The following UCP1 variants were observed in gnomAD, a reference collection of about 807,000 sequenced individuals.
UCP1 encodes the protein mitochondrial brown fat uncoupling protein 1.
A neutral mutation model predicts 26.2 loss-of-function variants in UCP1; 24 were observed. The observed-to-expected ratio is 0.92, with a 90% CI of 0.66 to 1.29. UCP1 has a LOEUF of 1.29. UCP1 is among the 50% of genes most tolerant of loss of function. The pLI is 0.00. For missense variants in UCP1, 402 were observed against 388.7 expected (o/e 1.03, Z -0.29); for synonymous variants, 164 against 156.8 (o/e 1.05, Z -0.34).
Position 140,567,934 on chromosome 4 carries a change from C to G in UCP1, c.170G>C (p.Gly57Ala), listed in dbSNP as rs1463588983. ...CACAGCGGTGATTGTTCCCAGGACA[C>G]CTTTATACCTAATAACACTGGACGT... ...CPTSSVIRYK[G>A]VLGTITAVVK... Residue 57 changes from glycine to alanine, a missense_variant, in exon 2 of 6, where the codon GGT (glycine) becomes GCT (alanine). Coordinates refer to ENST00000262999, the MANE Select transcript of UCP1 (RefSeq NM_021833.5). The G allele has an allele frequency of 1.5e-5, 25 of 1,614,168 alleles. No homozygotes were observed. Among genetic ancestry groups the G allele is most frequent in the Non-Finnish European group, 2.1e-5 (25 of 1,180,032 alleles).
At position 140,559,876 on chromosome 4, in the gene UCP1, C is replaced by G; in HGVS notation, c.*20G>C. 1 of 1,577,362 alleles carries G rather than the reference C, an allele frequency of 6.3e-7. No individual in the cohort carries two copies. Among genetic ancestry groups the G allele is most frequent in the Non-Finnish European group, 8.7e-7 (1 of 1,146,710 alleles). On this transcript the variant is annotated 3_prime_UTR_variant, in exon 6 of 6. Coordinates refer to ENST00000262999, the MANE Select transcript of UCP1 (RefSeq NM_021833.5). Reference sequence around the variant, plus strand: ...CAGCAAGATTCCCACTGGTATGTTACATCATTTTCTTGAAGCTGATTATGT... The same window carrying G: ...CAGCAAGATTCCCACTGGTATGTTAGATCATTTTCTTGAAGCTGATTATGT...
At chr4:140,563,611 A>ATTTT in intron 2 of UCP1, 93 bp from the exon 3 acceptor site, 10 of 1,013,658 alleles carry the variant, frequency 9.9e-6, no homozygotes, top group Non-Finnish European at 1.1e-5. Flanking sequence ...ATATTTTTGT[A>ATTTT]TTTTTTTTTT....
intron 2 of UCP1, among the ~76,000 whole-genome samples, chr4:140,564,520 A>G (rs1032152958): frequency 1.1e-4 from 17 of 152,186 alleles, no homozygotes; most frequent in African/African-American, 3.6e-4. Context: ...TCAAAAAGGG[A>G]TAATAATATC....
Position 140,568,901 on chromosome 4 carries a change from G to C in UCP1, c.-172C>G. 2 of 986,442 alleles carry C rather than the reference G, an allele frequency of 2.0e-6. No individual in the cohort carries two copies. Among genetic ancestry groups the C allele is most frequent in the South Asian group, 3.3e-5 (2 of 61,258 alleles). 61.1% of individuals were successfully genotyped at this position (986,442 alleles called of 1,614,324 possible). On this transcript the variant is annotated 5_prime_UTR_variant, in exon 1 of 6. Transcript: ENST00000262999. ...GAGGCGGCGGCTGCAGACGGAGCGC[G>C]GTGTTGGGGGCCGAGTCCCCGCGTC...
chr4:140,566,170 T>C (rs530503560), intron 2 of UCP1, among the ~76,000 whole-genome samples: 5 of 152,326 alleles, frequency 3.3e-5, no homozygotes, highest in African/African-American at 1.2e-4. Context: ...TCTGAGAATG[T>C]ATCCCCATCG....
chr4:140,565,790 A>G (rs1288181618), intron 2 of UCP1, among the ~76,000 whole-genome samples: 1 of 152,170 alleles, frequency 6.6e-6, no homozygotes, highest in Non-Finnish European at 1.5e-5. Flanking sequence ...CTCACGGACC[A>G]TACCTCCATG....
intron 4 of UCP1, among the ~76,000 whole-genome samples, chr4:140,562,682 A>C (rs913526638): frequency 6.6e-6 from 1 of 152,100 alleles, no homozygotes; most frequent in African/African-American, 2.4e-5. Context: ...TGTCTCTAGA[A>C]GTTGTTAGAA....
In UCP1 at chr4:140,562,195, C is replaced by G; in HGVS notation, c.807G>C (p.Lys269Asn). The G allele has an allele frequency of 6.2e-7, 1 of 1,614,194 alleles. No individual in the cohort carries two copies. The highest frequency in any genetic ancestry group is 1.3e-5 in the African/African-American group (1 of 75,068). ...AGATACACAAGATCATATCTTACCC[C>G]TTGAAGAAAGCCGTTGGTCCTTCGT... The part of the protein sequence containing the change: ...FTNEGPTAFF[K>N]GLVPSFLRLG... The change falls in exon 5 of 6, where the codon AAG (lysine) becomes AAC (asparagine). Residue 269 changes from lysine (K) to asparagine (N), a missense_variant and splice_region_variant. Transcript: ENST00000262999.
intron 5 of UCP1, among the ~76,000 whole-genome samples, chr4:140,561,714 C>T (rs1295959788): frequency 2.0e-5 from 3 of 152,170 alleles, no homozygotes; most frequent in Admixed American, 6.5e-5. Flanking sequence ...TTACACAACA[C>T]TTGTTTCTAG....
rs149333659 is a variant in UCP1 at position 140,563,479 on chromosome 4, G to T, written c.365C>A (p.Thr122Lys). The part of the protein sequence containing the change: ...SLGSKILAGL[T>K]TGGVAVFIGQ... Reference sequence around the variant, plus strand: ...AATGAATACTGCCACTCCTCCAGTCGTTAGACCAGCTAAAATCTTGCTTCC... The same window carrying T: ...AATGAATACTGCCACTCCTCCAGTCTTTAGACCAGCTAAAATCTTGCTTCC... The change falls in exon 3 of 6, where the codon ACG (threonine) becomes AAG (lysine). Residue 122 changes from threonine (T) to lysine (K), a missense_variant. Coordinates refer to ENST00000262999, the MANE Select transcript of UCP1 (RefSeq NM_021833.5). 3.7e-6 allele frequency: 6 copies of T among 1,613,868 alleles called. No individual in the cohort carries two copies. The Admixed American group carries it at 6.7e-5, about 18-fold the overall frequency.
chr4:140,567,462 T>C lies in UCP1; in HGVS notation c.325+317A>G, dbSNP rs533967364. Among the ~76,000 whole-genome samples, 3 of 152,350 alleles carry C rather than the reference T, an allele frequency of 2.0e-5. No individual in the cohort carries two copies. The East Asian group carries it at 5.8e-4, about 29-fold the overall frequency. On this transcript the variant is annotated intron_variant, in intron 2 of 5. Coordinates refer to ENST00000262999, the MANE Select transcript of UCP1 (RefSeq NM_021833.5). The stretch of plus-strand genomic sequence containing the variant: ...TTCTGACAAGCTCCATAGATGTTTC[T>C]GATATACTTCCCTCTTTGGAGAACT...
intron 2 of UCP1, 61 bp downstream of exon 2, chr4:140,567,718 T>C (rs1735827498): frequency 1.2e-6 from 2 of 1,600,170 alleles, no homozygotes; most frequent in Admixed American, 3.3e-5. Flanking sequence ...TGTGTTACAC[T>C]TTTTGGAACA....
chr4:140,568,480 G>C, intron 1 of UCP1, 124 bp downstream of exon 1: 1 of 1,506,536 alleles, frequency 6.6e-7, no homozygotes, highest in South Asian at 1.2e-5. Flanking sequence ...AGGCCAGACT[G>C]CTTTGGAAGG....
intron 2 of UCP1, among the ~76,000 whole-genome samples, chr4:140,564,624 A>G (rs1209335236): frequency 2.6e-5 from 4 of 152,186 alleles, no homozygotes; most frequent in African/African-American, 7.2e-5. Context: ...CAATTTTTAA[A>G]TCACTACCAT....
chr4:140,567,871 A>G lies in UCP1; in HGVS notation c.233T>C (p.Leu78Pro). ...GATTTGCCGCTGAAGCCCCGCAGGCAGCCCGCTGTAGAGTTTCATCCGCCC... is the reference window on the plus strand; with the variant it reads ...GATTTGCCGCTGAAGCCCCGCAGGCGGCCCGCTGTAGAGTTTCATCCGCCC... ...TEGRMKLYSGLPAGLQRQISS... is the reference protein window; with the variant it reads ...TEGRMKLYSGPPAGLQRQISS... Residue 78 changes from leucine to proline, a missense_variant, in exon 2 of 6, where the codon CTG becomes CCG. Leu to Pro is a moderately conservative substitution (Grantham distance 98). Transcript: ENST00000262999. The G allele has an allele frequency of 6.2e-7, 1 of 1,614,168 alleles. No homozygotes were observed.
Position 140,562,219 on chromosome 4 carries a change from G to T in UCP1, c.783C>A (p.Asn261Lys). The T allele has an allele frequency of 1.2e-6, 2 of 1,614,142 alleles. No individual in the cohort carries two copies. Among genetic ancestry groups the T allele is most frequent in the Non-Finnish European group, 1.7e-6 (2 of 1,179,996 alleles). The change falls in exon 5 of 6, where the codon AAC (asparagine) becomes AAA (lysine). Residue 261 changes from asparagine (N) to lysine (K), a missense_variant. Transcript: ENST00000262999. ...CCTTGAAGAAAGCCGTTGGTCCTTC[G>T]TTAGTGAACACTTTCATTGCACAGT... Reference protein sequence around the residue: ...VPNCAMKVFTNEGPTAFFKGL... With the variant: ...VPNCAMKVFTKEGPTAFFKGL...
At chr4:140,566,455 A>G (rs536085043) in intron 2 of UCP1, among the ~76,000 whole-genome samples, 3 of 152,264 alleles carry the variant, frequency 2.0e-5, no homozygotes, top group Admixed American at 6.5e-5. Context: ...CTGTGAAGAA[A>G]ACCACCTGAA....
At position 140,568,776 on chromosome 4, in the gene UCP1, A is replaced by G; in HGVS notation, c.-47T>C. The stretch of plus-strand genomic sequence containing the variant: ...GCAGAGGAAAAGGGCTCCAGCCCCG[A>G]AGGTGGAGGAAGTTCCTTTCCCTTG... On this transcript the variant is annotated 5_prime_UTR_variant, in exon 1 of 6. Coordinates refer to ENST00000262999, the MANE Select transcript of UCP1 (RefSeq NM_021833.5). The G allele has an allele frequency of 6.5e-7, 1 of 1,546,134 alleles. No homozygotes were observed.
Position 140,563,363 on chromosome 4 carries a change from A to G in UCP1, c.481T>C (p.Tyr161His). The change falls in exon 3 of 6, where the codon TAC becomes CAC. Residue 161 changes from tyrosine (Y) to histidine (H), a missense_variant. Tyr to His is a moderately conservative substitution (Grantham distance 83). Coordinates refer to ENST00000262999, the MANE Select transcript of UCP1 (RefSeq NM_021833.5). ...KPRYTGTYNA[Y>H]RIIATTEGLT... Reference sequence around the variant, plus strand: ...CCTTCGGTTGTTGCTATTATTCTGTACGCATTATAAGTCCCCGTGTAGCGA... The same window carrying G: ...CCTTCGGTTGTTGCTATTATTCTGTGCGCATTATAAGTCCCCGTGTAGCGA... The G allele has an allele frequency of 6.2e-7, 1 of 1,614,174 alleles. No individual in the cohort carries two copies. The highest frequency in any genetic ancestry group is 1.3e-5 in the African/African-American group (1 of 75,028).
Sources: gnomAD v4.1 joint callset for allele counts (sites outside exome capture counted in the v4.1 genomes callset) on GRCh38, gnomAD v4.1.1 for gene constraint, MANE v1.5 for transcripts, NCBI Gene and HGNC (gene_info 2026-07-23, HGNC 2026-07-21) for gene names.